The following WASF2 variants were observed in gnomAD, a reference collection of about 807,000 sequenced individuals.
The protein encoded by WASF2 is actin-binding protein WASF2.
Under a neutral mutation model 45.0 loss-of-function variants are expected in WASF2, and 14 were observed. The observed-to-expected ratio is 0.31, with a 90% CI of 0.21 to 0.49. WASF2 has a LOEUF of 0.49. WASF2 is among the 20% of genes least tolerant of loss of function. WASF2 has a pLI of 0.99. For missense variants in WASF2, 439 were observed against 636.1 expected, an observed-to-expected ratio of 0.69 and a Z score of 3.33; for synonymous variants, 200 against 236.3, an observed-to-expected ratio of 0.85 and a Z score of 1.41.
chr1:27,453,874 C>T (rs2017420175), intron 1 of WASF2, among the ~76,000 whole-genome samples: 5 of 151,752 alleles, frequency 3.3e-5, no homozygotes, highest in Non-Finnish European at 1.5e-5. Flanking sequence ...GGGCAACAGA[C>T]CAAGACTCTG....
chr1:27,409,716 C>A lies in WASF2; in HGVS notation c.1315G>T (p.Asp439Tyr). 2.7e-6 allele frequency: 4 copies of A among 1,503,892 alleles called. No individual in the cohort carries two copies. Among genetic ancestry groups the A allele is most frequent in the Non-Finnish European group, 3.6e-6 (4 of 1,126,462 alleles). The allele number at this position is 1,503,892 out of a possible 1,614,324, so 93.2% of individuals were successfully genotyped here. A position where few individuals can be genotyped will look rare whatever the true frequency, so the allele number is the denominator to read the frequency against. Residue 439 changes from aspartate (D) to tyrosine (Y), a missense_variant, in exon 8 of 9, where the codon GAC (aspartate) becomes TAC (tyrosine). Physicochemically the swap from Asp to Tyr is radical, Grantham distance 160. Coordinates refer to ENST00000618852, the MANE Select transcript of WASF2 (RefSeq NM_006990.5). ...CCTTGACGGATGGCTGAAAGCAGGTCGCTACGGGCATCGCTCACGGCAGGC... is the reference window on the plus strand; with the variant it reads ...CCTTGACGGATGGCTGAAAGCAGGTAGCTACGGGCATCGCTCACGGCAGGC... ...SLPAVSDARS[D>Y]LLSAIRQGFQ...
At chr1:27,474,824 C>T (rs189040952) in intron 1 of WASF2, among the ~76,000 whole-genome samples, 35 of 151,990 alleles carry the variant, frequency 2.3e-4, no homozygotes, top group African/African-American at 8.0e-4. Flanking sequence ...TGGTGACCTG[C>T]ATCTGTAGTC....
At chr1:27,430,699 T>C (rs965460580) in intron 1 of WASF2, among the ~76,000 whole-genome samples, 2 of 151,950 alleles carry the variant, frequency 1.3e-5, no homozygotes, top group Non-Finnish European at 2.9e-5. Context: ...AGTGCAATGG[T>C]GCGATCACAG....
In WASF2 at chr1:27,405,147, C is replaced by T. The variant is rs11548323; in HGVS notation, c.*3042G>A. The T allele has an allele frequency of 0.14, 21,745 of 152,240 alleles. 1,679 individuals carry two copies. Among genetic ancestry groups the T allele is most frequent in the Non-Finnish European group, 0.17 (11,726 of 68,024 alleles). The allele number at this position is 152,240 out of a possible 1,614,324, so 9.4% of individuals were successfully genotyped here. On this transcript the variant is annotated 3_prime_UTR_variant, in exon 9 of 9. Transcript: ENST00000618852. ...CCACGGGAAGAGATTTCACATTAGCCGTGACAACACCGCCTCGGCTCTGCG... is the reference window on the plus strand; with the variant it reads ...CCACGGGAAGAGATTTCACATTAGCTGTGACAACACCGCCTCGGCTCTGCG...
intron 1 of WASF2, among the ~76,000 whole-genome samples, chr1:27,451,147 A>T (rs1187441308): frequency 6.6e-6 from 1 of 152,158 alleles, no homozygotes; most frequent in African/African-American, 2.4e-5. Flanking sequence ...ACTGTGCCAC[A>T]CACTTAGGAT....
chr1:27,461,525 G>T (rs536283918), intron 1 of WASF2, among the ~76,000 whole-genome samples: 2 of 149,586 alleles, frequency 1.3e-5, no homozygotes, highest in East Asian at 2.0e-4. Flanking sequence ...CAGTGACGAC[G>T]GATCTTGGCT....
In WASF2 at chr1:27,409,452, A is replaced by AG. The variant is rs1300091588; in HGVS notation, c.1339+239_1339+240insC. On this transcript the variant is annotated intron_variant, in intron 8 of 8. Transcript: ENST00000618852. ...ACAAAAAAAAAAAAAAAAAAAAAAA[A>AG]AAAAGAAAAGAAAAGAATCCTTTAC... 8.9e-5 allele frequency among the ~76,000 whole-genome samples: 13 copies of AG among 146,356 alleles called. No individual in the cohort carries two copies. The East Asian group carries it at 2.2e-3, about 24-fold the overall frequency.
At chr1:27,444,991 T>C (rs1461686718) in intron 1 of WASF2, among the ~76,000 whole-genome samples, 2 of 152,204 alleles carry the variant, frequency 1.3e-5, no homozygotes, top group African/African-American at 2.4e-5. Context: ...ACCTCTTTTA[T>C]AGCAGTCACT....
intron 8 of WASF2, among the ~76,000 whole-genome samples, chr1:27,408,875 G>A (rs1384095757): frequency 6.6e-6 from 1 of 151,936 alleles, no homozygotes; most frequent in Admixed American, 6.6e-5. Flanking sequence ...AAGAAAATGG[G>A]AGAAAAAAGG....
intron 7 of WASF2, among the ~76,000 whole-genome samples, 165 bp downstream of exon 7, chr1:27,412,407 T>C (rs1239644723): frequency 3.9e-5 from 6 of 152,122 alleles, no homozygotes; most frequent in Non-Finnish European, 8.8e-5. Flanking sequence ...GAAGTCTTGC[T>C]ATGTTACCCA....
At chr1:27,489,250 GCGCACACACA>G (rs748338232) in intron 1 of WASF2, among the ~76,000 whole-genome samples, 5,703 of 111,600 alleles carry the variant, frequency 0.051, 252 homozygotes, top group African/African-American at 0.069. Context: ...TCCTGTACGC[GCGCACACACA>G]CACACACACA....
chr1:27,418,600 T>C (rs1535152), intron 3 of WASF2, among the ~76,000 whole-genome samples, 178 bp from the exon 4 acceptor site: 9,619 of 152,262 alleles, frequency 0.063, 1,015 homozygotes, highest in African/African-American at 0.22. Flanking sequence ...AGCCCAGTCG[T>C]TTCACGACTG....
intron 1 of WASF2, among the ~76,000 whole-genome samples, chr1:27,444,498 G>A (rs2017287256): frequency 1.3e-5 from 2 of 152,186 alleles, no homozygotes; most frequent in South Asian, 4.1e-4. Flanking sequence ...AAGGAATGGC[G>A]AGTTTATATG....
chr1:27,425,007 G>C (rs894562572), intron 2 of WASF2, among the ~76,000 whole-genome samples: 2 of 152,224 alleles, frequency 1.3e-5, no homozygotes, highest in African/African-American at 4.8e-5. Context: ...GATAGCAAGA[G>C]CACTGTATGG....
chr1:27,477,921 A>AT (rs1232888874), intron 1 of WASF2, among the ~76,000 whole-genome samples: 1 of 139,862 alleles, frequency 7.1e-6, no homozygotes, highest in African/African-American at 2.7e-5. Context: ...TAAATAAATA[A>AT]AAAAAAAAAT....
intron 4 of WASF2, among the ~76,000 whole-genome samples, chr1:27,417,108 C>T (rs151226596): frequency 2.8e-4 from 42 of 152,262 alleles, no homozygotes; most frequent in Non-Finnish European, 4.1e-4. Context: ...TGAGAGGCCA[C>T]GCTAATTCTG....
At chr1:27,488,340 T>C (rs192584889) in intron 1 of WASF2, among the ~76,000 whole-genome samples, 4 of 152,238 alleles carry the variant, frequency 2.6e-5, no homozygotes, top group Non-Finnish European at 5.9e-5. Context: ...AAAAAACAGG[T>C]TGCACAAAGA....
intron 1 of WASF2, among the ~76,000 whole-genome samples, chr1:27,435,300 C>CTA (rs2017121753): frequency 3.0e-4 from 1 of 3,318 alleles, no homozygotes; most frequent in African/African-American, 3.4e-4. Flanking sequence ...TAAAAAGAGA[C>CTA]TCGGGCCAGG....
intron 1 of WASF2, among the ~76,000 whole-genome samples, chr1:27,472,650 CAAAAAAAAAAA>C (rs1206351562): frequency 1.7e-5 from 1 of 59,234 alleles, no homozygotes; most frequent in Non-Finnish European, 3.3e-5. Context: ...ACCCCGTCTC[CAAAAAAAAAAA>C]AAAAAAAAAA....
Sources: gnomAD v4.1 joint callset for allele counts (sites outside exome capture counted in the v4.1 genomes callset) on GRCh38, gnomAD v4.1.1 for gene constraint, MANE v1.5 for transcripts, NCBI Gene and HGNC (gene_info 2026-07-23, HGNC 2026-07-21) for gene names.